COG7: variants seen among roughly 807,000 people sequenced by gnomAD.
COG7 encodes component of oligomeric golgi complex 7.
COG7 carries 49 observed loss-of-function variants against 91.5 expected under a neutral mutation model. The ratio of observed to expected loss-of-function variants is 0.54; its 90% CI spans 0.43 to 0.68. The LOEUF (loss-of-function observed/expected upper bound fraction) is 0.68, where lower values mean the gene tolerates loss of function less well. Among genes scored for constraint, COG7 ranks in the 30% least tolerant of loss-of-function variants. The pLI, the probability that COG7 is intolerant of heterozygous loss-of-function variation, is 0.00. For missense variants in COG7, 895 were observed against 961.3 expected (o/e 0.93, Z 0.91); for synonymous variants, 365 against 388.7 (o/e 0.94, Z 0.72).
At chr16:23,403,921 A>T in intron 12 of COG7, 87 bp from the exon 13 acceptor site, 3 of 1,519,774 alleles carry the variant, frequency 2.0e-6, no homozygotes, top group Non-Finnish European at 2.7e-6. Flanking sequence ...AACTCACAGG[A>T]GAACTGGGGG....
At chr16:23,409,904 T>A (rs558570894) in intron 11 of COG7, among the ~76,000 whole-genome samples, 7 of 152,290 alleles carry the variant, frequency 4.6e-5, no homozygotes, top group Admixed American at 1.3e-4. Context: ...TCCTGAAGGC[T>A]GGCCCAAGGG....
intron 1 of COG7, among the ~76,000 whole-genome samples, chr16:23,449,912 C>T (rs931049423): frequency 2.0e-5 from 3 of 151,848 alleles, no homozygotes; most frequent in Non-Finnish European, 4.4e-5. Context: ...ATGTACCAAA[C>T]CTCATATATG....
Position 23,401,477 on chromosome 16 carries a change from T to C in COG7, c.1803+2217A>G, listed in dbSNP as rs185324191. ...CACCACCCCTGTTTAAATGTAGAAC[T>C]AAGCTGGGAAGCACTGAGGTTTCAG... On this transcript the variant is annotated intron_variant, in intron 13 of 16. Coordinates refer to ENST00000307149, the MANE Select transcript of COG7 (RefSeq NM_153603.4). 2.9e-3 allele frequency among the ~76,000 whole-genome samples: 447 copies of C among 152,250 alleles called. 5 individuals are homozygous for C. The highest frequency in any genetic ancestry group is 4.0e-3 in the Non-Finnish European group (271 of 68,012).
Position 23,452,731 on chromosome 16 carries a change from T to C in COG7, c.169+95A>G, listed in dbSNP as rs544609530. 7 of 1,516,704 alleles carry C rather than the reference T, an allele frequency of 4.6e-6. No individual in the cohort carries two copies. The East Asian group carries it at 1.2e-4, about 27-fold the overall frequency. The allele number at this position is 1,516,704 out of a possible 1,614,324, so 94.0% of individuals were successfully genotyped here. A position where few individuals can be genotyped will look rare whatever the true frequency, so the allele number is the denominator to read the frequency against. On this transcript the variant is annotated intron_variant, in intron 1 of 16. Transcript: ENST00000307149. The stretch of plus-strand genomic sequence containing the variant: ...GCCGAGGGTATTTGCTGTCCATGCG[T>C]GCCCCGCCCACCTGAGTGCCTCACG...
At chr16:23,437,533 A>G (rs373376181) in intron 4 of COG7, among the ~76,000 whole-genome samples, 14 of 152,342 alleles carry the variant, frequency 9.2e-5, no homozygotes, top group African/African-American at 3.4e-4. Context: ...TGAGGAAGAG[A>G]GGGAATTACA....
At chr16:23,432,171 C>T (rs1963945557) in intron 6 of COG7, among the ~76,000 whole-genome samples, 1 of 151,896 alleles carries the variant, frequency 6.6e-6, no homozygotes, top group African/African-American at 2.4e-5. Flanking sequence ...AAAACAAAAT[C>T]CTAAGAATGA....
chr16:23,418,609 C>T (rs1027551632), intron 8 of COG7, 91 bp downstream of exon 8: 16 of 1,243,150 alleles, frequency 1.3e-5, no homozygotes, highest in Admixed American at 7.0e-5. Flanking sequence ...TTCAGCACCC[C>T]GGATCCCAAC....
intron 13 of COG7, among the ~76,000 whole-genome samples, chr16:23,401,541 A>G (rs1963377147): frequency 6.6e-6 from 1 of 152,224 alleles, no homozygotes; most frequent in Non-Finnish European, 1.5e-5. Flanking sequence ...CAAAATAAAA[A>G]TAATACAAAC....
At chr16:23,446,219 G>A (rs549774213) in intron 1 of COG7, among the ~76,000 whole-genome samples, 2 of 152,088 alleles carry the variant, frequency 1.3e-5, no homozygotes, top group Admixed American at 6.6e-5. Context: ...CAATCAACCT[G>A]TCCCAACACC....
intron 9 of COG7, 112 bp downstream of exon 9, chr16:23,416,855 A>T (rs902658805): frequency 2.5e-6 from 3 of 1,219,652 alleles, no homozygotes; most frequent in Admixed American, 3.9e-5. Context: ...TCTTGGGTTC[A>T]GGTGCAAGTG....
At chr16:23,396,530 T>A (rs1402194762) in intron 14 of COG7, among the ~76,000 whole-genome samples, 1 of 151,024 alleles carries the variant, frequency 6.6e-6, no homozygotes, top group Non-Finnish European at 1.5e-5. Context: ...AATAGAAAAA[T>A]TAGCCAGGTG....
At chr16:23,414,382 A>G (rs1344030250) in intron 9 of COG7, 2 of 152,344 alleles carry the variant, frequency 1.3e-5, no homozygotes, top group East Asian at 3.9e-4. Context: ...TAATCACAGC[A>G]CTTTGGGAGG....
chr16:23,401,159 T>A (rs1343940299), intron 13 of COG7, among the ~76,000 whole-genome samples: 1 of 152,176 alleles, frequency 6.6e-6, no homozygotes, highest in East Asian at 1.9e-4. Flanking sequence ...TAGCGTTGGT[T>A]TGTAGTCTCG....
chr16:23,412,474 T>C (rs754589189), intron 10 of COG7: 3 of 152,250 alleles, frequency 2.0e-5, no homozygotes, highest in East Asian at 1.9e-4. Context: ...AACATGTCCA[T>C]AGGTCAAATC....
At chr16:23,442,688 CT>C in intron 3 of COG7, 43 bp from the exon 4 acceptor site, 1 of 1,531,146 alleles carries the variant, frequency 6.5e-7, no homozygotes, top group Non-Finnish European at 9.0e-7. Context: ...TAAATGATCC[CT>C]ACTGCCTCAA....
chr16:23,442,774 G>T (rs1964122405), intron 3 of COG7, 129 bp from the exon 4 acceptor site: 3 of 831,696 alleles, frequency 3.6e-6, no homozygotes, highest in African/African-American at 1.7e-5. Context: ...GGTGGTTCAT[G>T]CCTGTAATCC....
chr16:23,417,194 A>G, intron 8 of COG7, 73 bp from the exon 9 acceptor site: 2 of 1,489,546 alleles, frequency 1.3e-6, no homozygotes. Context: ...AAGACCTCCA[A>G]GCCTTCTCAT....
chr16:23,432,578 A>T lies in COG7; in HGVS notation c.810+967T>A, dbSNP rs1223059376. ...ACAGGCCCAGTAAGTCATTACTGCAAAGTAAGACAGGCTCTTCCCCTGCTT... is the reference window on the plus strand; with the variant it reads ...ACAGGCCCAGTAAGTCATTACTGCATAGTAAGACAGGCTCTTCCCCTGCTT... On this transcript the variant is annotated intron_variant, in intron 6 of 16. Coordinates refer to ENST00000307149, the MANE Select transcript of COG7 (RefSeq NM_153603.4). 3.3e-5 allele frequency among the ~76,000 whole-genome samples: 5 copies of T among 152,206 alleles called. No homozygotes were observed. In the East Asian group the frequency reaches 9.6e-4, roughly 29 times the overall value.
Position 23,423,915 on chromosome 16 carries a change from G to C in COG7, c.1009+834C>G, listed in dbSNP as rs531413496. ...GGGAGTAAGGGGTGCTCTGCTCTCA[G>C]TCGGCCACCGGGGAAAGCCCATTTT... On this transcript the variant is annotated intron_variant, in intron 7 of 16. Coordinates refer to ENST00000307149, the MANE Select transcript of COG7 (RefSeq NM_153603.4). Among the ~76,000 whole-genome samples the C allele has an allele frequency of 3.9e-5, 6 of 152,312 alleles. No individual in the cohort carries two copies. The South Asian group carries it at 1.2e-3, about 32-fold the overall frequency.
Sources: gnomAD v4.1 joint callset for allele counts (sites outside exome capture counted in the v4.1 genomes callset) on GRCh38, gnomAD v4.1.1 for gene constraint, MANE v1.5 for transcripts, NCBI Gene and HGNC (gene_info 2026-07-23, HGNC 2026-07-21) for gene names.